Variants in UBE4B observed in about 807,000 individuals in gnomAD.
UBE4B encodes ubiquitination factor E4B, also known as ubiquitin conjugation factor E4 B.
A neutral mutation model predicts 148.1 loss-of-function variants in UBE4B; 27 were observed. The observed-to-expected ratio is 0.18, with a 90% confidence interval of 0.13 to 0.25. The LOEUF is 0.25. Among genes scored for constraint, UBE4B ranks in the 10% least tolerant of loss-of-function variants. UBE4B has a pLI of 1.00. For synonymous variants in UBE4B, 596 were observed against 619.3 expected, an observed-to-expected ratio of 0.96 and a Z score of 0.56; for missense variants, 1,170 against 1,662.4, an observed-to-expected ratio of 0.70 and a Z score of 5.15.
chr1:10,120,473 C>T (rs976970074), intron 9 of UBE4B, among the ~76,000 whole-genome samples: 2 of 151,488 alleles, frequency 1.3e-5, no homozygotes, highest in East Asian at 2.0e-4. Context: ...CAGCCGAGAT[C>T]GTGCCACTGC....
intron 25 of UBE4B, among the ~76,000 whole-genome samples, chr1:10,174,224 T>C (rs113794437): frequency 0.033 from 5,020 of 151,416 alleles, 263 homozygotes; most frequent in African/African-American, 0.11. Flanking sequence ...TGAAACCCCA[T>C]CTCTACTAAA....
At chr1:10,077,284 T>A (rs1644600927) in intron 2 of UBE4B, among the ~76,000 whole-genome samples, 1 of 152,154 alleles carries the variant, frequency 6.6e-6, no homozygotes, top group Admixed American at 6.5e-5. Context: ...GCAACATAAC[T>A]CCAGTCTTCA....
At chr1:10,121,940 C>A (rs754945782) in intron 9 of UBE4B, 22 bp from the exon 10 acceptor site, 1 of 1,549,352 alleles carries the variant, frequency 6.5e-7, no homozygotes, top group East Asian at 2.3e-5. Flanking sequence ...CATCACCGTC[C>A]CTAATGTTCA....
intron 1 of UBE4B, among the ~76,000 whole-genome samples, chr1:10,035,782 G>A (rs1293160519): frequency 2.0e-5 from 3 of 148,346 alleles, no homozygotes; most frequent in African/African-American, 7.5e-5. Context: ...TCGCTCTGTT[G>A]CCCAGGCTAG....
At chr1:10,171,653 G>A (rs751732151) in intron 25 of UBE4B, among the ~76,000 whole-genome samples, 5 of 152,190 alleles carry the variant, frequency 3.3e-5, no homozygotes, top group Non-Finnish European at 5.9e-5. Flanking sequence ...AGGTCGAGGC[G>A]GGCAGATCAA....
chr1:10,101,072 A>G, intron 3 of UBE4B, 36 bp from the exon 4 acceptor site: 1 of 1,595,506 alleles, frequency 6.3e-7, no homozygotes, highest in Non-Finnish European at 8.6e-7. Flanking sequence ...CGGATTTATA[A>G]AAGGTAAAAG....
intron 2 of UBE4B, among the ~76,000 whole-genome samples, chr1:10,074,945 T>C (rs1182230540): frequency 2.6e-5 from 4 of 152,166 alleles, no homozygotes; most frequent in Non-Finnish European, 5.9e-5. Flanking sequence ...TTACCTGACA[T>C]CTCTGCTTGG....
chr1:10,081,288 G>A (rs12068865), intron 2 of UBE4B, among the ~76,000 whole-genome samples: 12,531 of 151,914 alleles, frequency 0.082, 756 homozygotes, highest in African/African-American at 0.17. Context: ...TCCAACTCCC[G>A]ATGTCAGATG....
intron 1 of UBE4B, among the ~76,000 whole-genome samples, chr1:10,052,814 T>A (rs1436019767): frequency 6.6e-6 from 1 of 152,196 alleles, no homozygotes; most frequent in East Asian, 1.9e-4. Context: ...GGGTGGCTTG[T>A]ACACAGCAGC....
intron 21 of UBE4B, among the ~76,000 whole-genome samples, chr1:10,155,529 C>T (rs1006078318): frequency 3.3e-5 from 5 of 152,154 alleles, no homozygotes; most frequent in African/African-American, 7.2e-5. Flanking sequence ...ACTAAGGGAC[C>T]GGTGTGAGGG....
In UBE4B at chr1:10,046,496, G is replaced by T. The variant is rs971764008; in HGVS notation, c.24+12802G>T. On this transcript the variant is annotated intron_variant, in intron 1 of 27. Coordinates refer to ENST00000343090, the MANE Select transcript of UBE4B (RefSeq NM_001105562.3). ...TGTTTGGAAAAGGGAAGAATGGGGA[G>T]TAATACTCTGCGCTGGTCCATAGCC... Among the ~76,000 whole-genome samples the T allele has an allele frequency of 2.6e-5, 4 of 152,240 alleles. No individual in the cohort carries two copies. In the East Asian group the frequency reaches 7.7e-4, roughly 29 times the overall value.
intron 24 of UBE4B, 75 bp from the exon 25 acceptor site, chr1:10,171,063 A>G (rs1221393734): frequency 6.8e-7 from 1 of 1,469,400 alleles, no homozygotes; most frequent in Non-Finnish European, 9.2e-7. Context: ...CTGTTCCTCC[A>G]CTGAAATGGG....
chr1:10,154,394 G>A (rs1039803284), intron 21 of UBE4B, among the ~76,000 whole-genome samples: 2 of 152,020 alleles, frequency 1.3e-5, no homozygotes, highest in Admixed American at 1.3e-4. Flanking sequence ...TAAAAAAAAA[G>A]AGTGGATTTG....
chr1:10,053,475 A>C (rs11806378), intron 1 of UBE4B, among the ~76,000 whole-genome samples: 3,873 of 140,412 alleles, frequency 0.028, 157 homozygotes, highest in African/African-American at 0.097. Context: ...AATTTTTTTG[A>C]GATGGAATTT....
At chr1:10,063,421 T>A (rs918084522) in intron 1 of UBE4B, among the ~76,000 whole-genome samples, 2 of 152,198 alleles carry the variant, frequency 1.3e-5, no homozygotes, top group Non-Finnish European at 2.9e-5. Flanking sequence ...TACCATTCAT[T>A]TAGGTATCCA....
intron 1 of UBE4B, among the ~76,000 whole-genome samples, chr1:10,045,261 C>T (rs952738592): frequency 2.6e-5 from 4 of 152,142 alleles, no homozygotes; most frequent in Non-Finnish European, 5.9e-5. Context: ...TGGGGACCCC[C>T]GCATTAGGGA....
intron 7 of UBE4B, among the ~76,000 whole-genome samples, chr1:10,115,879 ATCTAAACATG>A (rs1645300276): frequency 6.6e-6 from 1 of 152,200 alleles, no homozygotes. Context: ...GTATTTGTGT[ATCTAAACATG>A]TCTAAACATA....
intron 11 of UBE4B, chr1:10,129,015 T>A (rs1645547400): frequency 5.9e-6 from 1 of 169,736 alleles, no homozygotes; most frequent in Admixed American, 6.0e-5. Flanking sequence ...ATCTAAAGTT[T>A]ATGAAATAAA....
chr1:10,071,443 C>T (rs1644482657), intron 1 of UBE4B, among the ~76,000 whole-genome samples: 1 of 152,050 alleles, frequency 6.6e-6, no homozygotes, highest in Non-Finnish European at 1.5e-5. Flanking sequence ...AATTAATTAG[C>T]TGGACATGGT....
Sources: gnomAD v4.1 joint callset for allele counts (sites outside exome capture counted in the v4.1 genomes callset) on GRCh38, gnomAD v4.1.1 for gene constraint, MANE v1.5 for transcripts, NCBI Gene and HGNC (gene_info 2026-07-23, HGNC 2026-07-21) for gene names.